Variants in SIGLEC5 observed in about 807,000 individuals in gnomAD.
SIGLEC5 encodes the protein sialic acid-binding Ig-like lectin 5.
A neutral mutation model predicts 45.9 loss-of-function variants in SIGLEC5; 34 were observed. That is an observed-to-expected ratio of 0.74 (90% CI 0.56 to 0.99). The LOEUF is 0.99. Among genes scored for constraint, SIGLEC5 ranks in the 50% least tolerant of loss-of-function variants. The probability of loss-of-function intolerance (pLI) is 0.00; values close to 1 mark genes in which losing one functional copy is unlikely to be tolerated. For missense variants in SIGLEC5, 508 were observed against 629.6 expected (o/e 0.81, Z 2.07); for synonymous variants, 203 against 258.6 (o/e 0.79, Z 2.06).
chr19:51,628,203 A>G (rs1428362047), intron 4 of SIGLEC5, 112 bp from the exon 5 acceptor site: 16 of 1,254,676 alleles, frequency 1.3e-5, no homozygotes, highest in African/African-American at 9.2e-5. Flanking sequence ...CCCCTGGCCT[A>G]TGCTGGCTTG....
chr19:51,616,868 G>A (rs1983074930), intron 8 of SIGLEC5, among the ~76,000 whole-genome samples: 1 of 118,174 alleles, frequency 8.5e-6, no homozygotes, highest in Non-Finnish European at 1.6e-5. Context: ...CCGAGATTGT[G>A]CCACTGCACT....
intron 8 of SIGLEC5, 68 bp from the exon 9 acceptor site, chr19:51,612,490 A>G: frequency 8.9e-7 from 1 of 1,124,788 alleles, no homozygotes; most frequent in Non-Finnish European, 1.3e-6. Context: ...ATGAGTTCTT[A>G]TATTTATATG....
rs1982853716 is a variant in SIGLEC5, at chr19:51,611,636, G to A, written c.*595C>T. On this transcript the variant is annotated 3_prime_UTR_variant, in exon 9 of 9. Transcript: ENST00000683636. ...ATTCCTATGGGTCTCATAAATGAAG[G>A]ACTGGAGCCAAAGGAATATGATGCA... 6.6e-6 allele frequency among the ~76,000 whole-genome samples: 1 copy of A among 152,192 alleles called. No homozygotes were observed. Among genetic ancestry groups the A allele is most frequent in the African/African-American group, 2.4e-5 (1 of 41,436 alleles).
rs1212515277 is a variant in SIGLEC5, at chr19:51,611,598, G to C, written c.*633C>G. 2.0e-5 allele frequency among the ~76,000 whole-genome samples: 3 copies of C among 152,202 alleles called. No individual in the cohort carries two copies. The highest frequency in any genetic ancestry group is 4.4e-5 in the Non-Finnish European group (3 of 68,038). ...AGGAAAGAGTTAGACTCAACTCTTTGGCTGTTGGAAGGATTCCTATGGGTC... is the reference window on the plus strand; with the variant it reads ...AGGAAAGAGTTAGACTCAACTCTTTCGCTGTTGGAAGGATTCCTATGGGTC... On this transcript the variant is annotated 3_prime_UTR_variant, in exon 9 of 9. Transcript: ENST00000683636.
chr19:51,617,127 C>A (rs1600099604), intron 8 of SIGLEC5, among the ~76,000 whole-genome samples: 2 of 151,118 alleles, frequency 1.3e-5, no homozygotes, highest in Non-Finnish European at 2.9e-5. Flanking sequence ...TGGTGGCGGG[C>A]GCCTGTAGTC....
intron 4 of SIGLEC5, 116 bp from the exon 5 acceptor site, chr19:51,628,207 T>A (rs1461488223): frequency 1.2e-5 from 14 of 1,173,092 alleles, no homozygotes; most frequent in African/African-American, 1.6e-5. Context: ...TGGCCTATGC[T>A]GGCTTGATTG....
intron 8 of SIGLEC5, among the ~76,000 whole-genome samples, chr19:51,613,966 A>G (rs1391724799): frequency 1.3e-5 from 2 of 152,156 alleles, no homozygotes; most frequent in Non-Finnish European, 2.9e-5. Context: ...AGAGATGGCA[A>G]TTCTGATCCT....
intron 8 of SIGLEC5, chr19:51,621,576 T>C (rs1276166573): frequency 6.6e-6 from 1 of 152,224 alleles, no homozygotes; most frequent in Non-Finnish European, 1.5e-5. Context: ...AAAATAGCAT[T>C]ACACTTGCAT....
intron 8 of SIGLEC5, among the ~76,000 whole-genome samples, chr19:51,617,714 G>C (rs572477481): frequency 6.6e-6 from 1 of 152,134 alleles, no homozygotes; most frequent in African/African-American, 2.4e-5. Context: ...AATAAAAAGA[G>C]AGAAAGAGAA....
intron 8 of SIGLEC5, among the ~76,000 whole-genome samples, chr19:51,619,677 A>G (rs1172042802): frequency 1.3e-5 from 2 of 152,208 alleles, no homozygotes; most frequent in Non-Finnish European, 2.9e-5. Context: ...TGGGATGAAA[A>G]TGAAATTCTG....
intron 8 of SIGLEC5, chr19:51,621,812 AC>A (rs1983297111): frequency 6.6e-6 from 1 of 152,216 alleles, no homozygotes. Flanking sequence ...TTTTTTAAAT[AC>A]TTTCATTCTG....
chr19:51,620,427 T>C (rs944975582), intron 8 of SIGLEC5, among the ~76,000 whole-genome samples: 1 of 152,234 alleles, frequency 6.6e-6, no homozygotes, highest in African/African-American at 2.4e-5. Flanking sequence ...ATGAATAATA[T>C]GGTTTTCTCC....
At position 51,629,988 on chromosome 19, in the gene SIGLEC5, C is replaced by A. The variant is rs376860084; in HGVS notation, c.266G>T (p.Arg89Leu). 328 of 938,958 alleles carry A rather than the reference C, an allele frequency of 3.5e-4. 2 individuals are homozygous for A. The highest frequency in any genetic ancestry group is 2.8e-3 in the South Asian group (206 of 74,224). 58.2% of individuals were successfully genotyped at this position (938,958 alleles called of 1,614,324 possible). ...DRRVKPETQG[R>L]FRLLGDVQKK... ...CTGGACATCCCCAAGGAGGCGGAAT[C>A]GGCCCTGGGTCTCTGGCTTCACTCT... The change falls in exon 2 of 9, where the codon CGA becomes CTA. Residue 89 changes from arginine (R) to leucine (L), a missense_variant. Transcript: ENST00000683636.
At chr19:51,622,976 C>G (rs1358588440) in intron 8 of SIGLEC5, among the ~76,000 whole-genome samples, 1 of 152,142 alleles carries the variant, frequency 6.6e-6, no homozygotes, top group Admixed American at 6.5e-5. Flanking sequence ...GAATAGTACT[C>G]CATTGTGTAT....
intron 4 of SIGLEC5, among the ~76,000 whole-genome samples, chr19:51,628,759 T>C (rs527322012): frequency 7.2e-6 from 1 of 139,858 alleles, no homozygotes; most frequent in Non-Finnish European, 1.6e-5. Flanking sequence ...CATGTGTGTG[T>C]GTATGTGCGT....
intron 2 of SIGLEC5, 85 bp from the exon 3 acceptor site, chr19:51,629,721 C>G (rs973766520): frequency 2.3e-6 from 2 of 853,982 alleles, no homozygotes; most frequent in East Asian, 4.9e-5. Context: ...CCTCAGGCCC[C>G]GACCTGCCCC....
At chr19:51,618,197 T>C (rs1349586699) in intron 8 of SIGLEC5, among the ~76,000 whole-genome samples, 2 of 151,900 alleles carry the variant, frequency 1.3e-5, no homozygotes, top group East Asian at 3.9e-4. Flanking sequence ...AATCCACATA[T>C]GTCAGTAACC....
intron 8 of SIGLEC5, among the ~76,000 whole-genome samples, chr19:51,620,405 T>A (rs1555788107): frequency 3.0e-4 from 46 of 152,064 alleles, no homozygotes; most frequent in Non-Finnish European, 2.9e-5. Context: ...ACTGGAGTAT[T>A]AAAAAAATGC....
In SIGLEC5 at chr19:51,629,054, G is replaced by T. The variant is rs138661806; in HGVS notation, c.723C>A (p.Ile241=). The change falls in exon 4 of 9, where the codon ATC becomes ATA. Residue 241 remains isoleucine, a synonymous_variant. Transcript: ENST00000683636. ...CTTTCCTACCTATGCCGTTCCTGAA[G>T]ATGGTGATGGTCTGTGGAGCATCTG... The part of the protein sequence containing the change: ...NVSYAPQTIT[I]FRNGIALEIL... 2 of 1,613,806 alleles carry T rather than the reference G, an allele frequency of 1.2e-6. No homozygotes were observed. Among genetic ancestry groups the T allele is most frequent in the Non-Finnish European group, 1.7e-6 (2 of 1,179,906 alleles).
Sources: gnomAD v4.1 joint callset for allele counts (sites outside exome capture counted in the v4.1 genomes callset) on GRCh38, gnomAD v4.1.1 for gene constraint, MANE v1.5 for transcripts, NCBI Gene and HGNC (gene_info 2026-07-23, HGNC 2026-07-21) for gene names.